Variants in SPTA1 observed in about 807,000 individuals in gnomAD.
SPTA1 encodes the protein spectrin alpha, erythrocytic 1, also known as spectrin alpha chain, erythrocytic 1.
SPTA1 carries 177 observed loss-of-function variants against 324.7 expected under a neutral mutation model. The observed-to-expected ratio is 0.55, with a 90% confidence interval of 0.48 to 0.62. SPTA1 has a LOEUF of 0.62. Ranked by LOEUF, SPTA1 falls within the 20% of genes least tolerant of loss-of-function variation. SPTA1 has a pLI of 0.00. For missense variants in SPTA1, 3,162 were observed against 2,883.6 expected, an observed-to-expected ratio of 1.10 and a Z score of -2.21; for synonymous variants, 1,195 against 1,041.3, an observed-to-expected ratio of 1.15 and a Z score of -2.84.
intron 42 of SPTA1, among the ~76,000 whole-genome samples, 172 bp from the exon 43 acceptor site, chr1:158,623,364 C>A (rs536192886): frequency 6.6e-6 from 1 of 152,226 alleles, no homozygotes; most frequent in African/African-American, 2.4e-5. Context: ...CTGAAAGCTC[C>A]AGTTTATGTA....
rs1653877399 is a variant in SPTA1 at position 158,669,727 on chromosome 1, G to A, written c.1659C>T (p.Ile553=). Reference sequence around the variant, plus strand: ...GACATACCCCGTCACGGATAGCCTTGATGTTCTCTGAATCATAATGGTCAT... The same window carrying A: ...GACATACCCCGTCACGGATAGCCTTAATGTTCTCTGAATCATAATGGTCAT... ...IGDDHYDSEN[I]KAIRDGLLAR... The change falls in exon 13 of 52, where the codon ATC becomes ATT. Residue 553 remains isoleucine (I), a synonymous_variant. Coordinates refer to ENST00000643759, the MANE Select transcript of SPTA1 (RefSeq NM_003126.4). 2 of 1,614,096 alleles carry A rather than the reference G, an allele frequency of 1.2e-6. No homozygotes were observed. Among genetic ancestry groups the A allele is most frequent in the Non-Finnish European group, 1.7e-6 (2 of 1,179,986 alleles).
chr1:158,613,837 C>T lies in SPTA1; in HGVS notation c.6873G>A (p.Leu2291=), dbSNP rs1175416971. The change falls in exon 50 of 52, where the codon CTG becomes CTA. Residue 2291 remains leucine, a synonymous_variant. Transcript: ENST00000643759. ...GGCAGGACCGGAACTCTTTGTGAGT[C>T]AGGCGCCCTGTCAAATTCTCATCAA... ...KHFDENLTGR[L]THKEFRSCLR... 5 of 1,613,832 alleles carry T rather than the reference C, an allele frequency of 3.1e-6. No individual in the cohort carries two copies. In the South Asian group the frequency reaches 5.5e-5, roughly 18 times the overall value.
chr1:158,676,108 T>G, intron 8 of SPTA1, 33 bp downstream of exon 8: 1 of 1,612,682 alleles, frequency 6.2e-7, no homozygotes, highest in East Asian at 2.2e-5. Flanking sequence ...CCTGTAGAGA[T>G]AGGTAGAGCA....
At chr1:158,655,016 A>T (rs529173104) in intron 20 of SPTA1, among the ~76,000 whole-genome samples, 5 of 152,210 alleles carry the variant, frequency 3.3e-5, no homozygotes, top group African/African-American at 1.2e-4. Context: ...GCTCTAAGCC[A>T]TCAGTTCTTA....
rs116297260 is a variant in SPTA1 at position 158,653,313 on chromosome 1, G to A, written c.3149C>T (p.Pro1050Leu). 1.2e-3 allele frequency: 1,904 copies of A among 1,614,086 alleles called. 17 individuals carry two copies. In the African/African-American group the frequency reaches 0.022, roughly 19 times the overall value. ...PMLPQRRREE[P>L]GNITQRQEQI... ...CTCCTGGCGCTGGGTGATGTTTCCTGGCTCTTCTCGTCGCCGCTGTGGGAG... is the reference window on the plus strand; with the variant it reads ...CTCCTGGCGCTGGGTGATGTTTCCTAGCTCTTCTCGTCGCCGCTGTGGGAG... The change falls in exon 22 of 52, where the codon CCA (proline) becomes CTA (leucine). Residue 1050 changes from proline to leucine, a missense_variant. Coordinates refer to ENST00000643759, the MANE Select transcript of SPTA1 (RefSeq NM_003126.4).
At chr1:158,645,708 C>T in intron 27 of SPTA1, 114 bp from the exon 28 acceptor site, 1 of 1,133,526 alleles carries the variant, frequency 8.8e-7, no homozygotes. Flanking sequence ...CATTTTTTAT[C>T]TGGCTTTATA....
At chr1:158,649,186 G>A (rs1489802605) in intron 25 of SPTA1, among the ~76,000 whole-genome samples, 1 of 152,186 alleles carries the variant, frequency 6.6e-6, no homozygotes, top group Non-Finnish European at 1.5e-5. Flanking sequence ...TGAATGAGCT[G>A]ATAGTCAATG....
intron 37 of SPTA1, 117 bp from the exon 38 acceptor site, chr1:158,636,151 G>T: frequency 6.4e-7 from 1 of 1,569,562 alleles, no homozygotes; most frequent in Non-Finnish European, 8.7e-7. Context: ...AAACTCCACG[G>T]GACTTTGTGA....
intron 45 of SPTA1, among the ~76,000 whole-genome samples, chr1:158,618,280 A>G (rs900492878): frequency 1.3e-5 from 2 of 152,138 alleles, no homozygotes; most frequent in African/African-American, 4.8e-5. Context: ...AGGAGCACCA[A>G]TGTCAAGGAA....
Position 158,672,061 on chromosome 1 carries a change from CTT to C in SPTA1, c.1484_1485del (p.Gln495ArgfsTer24). 1 of 1,613,880 alleles carries C rather than the reference CTT, an allele frequency of 6.2e-7. No individual in the cohort carries two copies. Among genetic ancestry groups the C allele is most frequent in the Non-Finnish European group, 8.5e-7 (1 of 1,179,906 alleles). On this transcript the variant is annotated frameshift_variant, in exon 11 of 52. Coordinates refer to ENST00000643759, the MANE Select transcript of SPTA1 (RefSeq NM_003126.4). LOFTEE classifies it high-confidence loss of function. The part of the protein sequence containing the change: ...SEQVDSWMSR[Q>X]EAFLENEDLG... ...ATGGTATGGACCCCTCCCGTTACCT[CTT>C]GTCTACTCATCCAACTGTCCACTTG...
intron 44 of SPTA1, among the ~76,000 whole-genome samples, chr1:158,619,593 G>A (rs1419384602): frequency 1.3e-5 from 2 of 152,064 alleles, no homozygotes; most frequent in Non-Finnish European, 2.9e-5. Flanking sequence ...AGTAATAAAA[G>A]CAAACCTCTC....
At position 158,636,701 on chromosome 1, in the gene SPTA1, G is replaced by T; in HGVS notation, c.5250C>A (p.Asn1750Lys). Reference sequence around the variant, plus strand: ...CTAGGCGTTTGTGCTTCTTCAGCAAGTTCTGAACCCCCTGAAGATCTCTCC... The same window carrying T: ...CTAGGCGTTTGTGCTTCTTCAGCAATTTCTGAACCCCCTGAAGATCTCTCC... Reference protein sequence around the residue: ...DYGRDLQGVQNLLKKHKRLEG... With the variant: ...DYGRDLQGVQKLLKKHKRLEG... Residue 1750 changes from asparagine to lysine, a missense_variant, in exon 37 of 52, where the codon AAC becomes AAA. Transcript: ENST00000643759. 1 of 1,614,140 alleles carries T rather than the reference G, an allele frequency of 6.2e-7. No individual in the cohort carries two copies.
rs746078222 is a variant in SPTA1, at chr1:158,681,631, G to C, written c.427C>G (p.Leu143Val). The C allele has an allele frequency of 6.2e-7, 1 of 1,613,766 alleles. No homozygotes were observed. The change falls in exon 4 of 52, where the codon CTG (leucine) becomes GTG (valine). Residue 143 changes from leucine to valine, a missense_variant. Physicochemically the swap from Leu to Val is conservative, Grantham distance 32 (BLOSUM62 1). Transcript: ENST00000643759. ...IEELRHLWDL[L>V]LELTLEKGDQ... Reference sequence around the variant, plus strand: ...CCCTTCTCCAGGGTCAGCTCTAACAGCAGGTCCCACAGGTGGCGTAGCTCC... The same window carrying C: ...CCCTTCTCCAGGGTCAGCTCTAACACCAGGTCCCACAGGTGGCGTAGCTCC...
At chr1:158,685,969 A>C (rs405879) in intron 1 of SPTA1, among the ~76,000 whole-genome samples, 148,298 of 152,282 alleles carry the variant, frequency 0.97, 72,317 homozygotes, top group East Asian at 1. Context: ...AAATATAAAA[A>C]CTTTTACTCT....
At chr1:158,681,415 G>C (rs1321380345) in intron 4 of SPTA1, 112 bp downstream of exon 4, 1 of 1,555,824 alleles carries the variant, frequency 6.4e-7, no homozygotes, top group Non-Finnish European at 8.9e-7. Flanking sequence ...AAAGAACAAA[G>C]CCAGGAACAG....
intron 10 of SPTA1, among the ~76,000 whole-genome samples, 180 bp downstream of exon 10, chr1:158,674,149 C>T (rs1040826664): frequency 1.3e-5 from 2 of 151,900 alleles, no homozygotes; most frequent in African/African-American, 4.8e-5. Flanking sequence ...AACCAATGCC[C>T]CATGGATAAT....
At position 158,649,957 on chromosome 1, in the gene SPTA1, GC is replaced by G; in HGVS notation, c.3478-11del. Reference sequence around the variant, plus strand: ...AGCGGGAATTCAATTCCTAAAAGAGGCAAAAACATCAGACTTGAGACAGAGA... The same window carrying G: ...AGCGGGAATTCAATTCCTAAAAGAGGAAAAACATCAGACTTGAGACAGAGA... On this transcript the variant is annotated splice_polypyrimidine_tract_variant and intron_variant, in intron 24 of 51. Transcript: ENST00000643759. The G allele has an allele frequency of 6.3e-7, 1 of 1,599,236 alleles. No individual in the cohort carries two copies. Among genetic ancestry groups the G allele is most frequent in the Non-Finnish European group, 8.6e-7 (1 of 1,167,660 alleles).
At chr1:158,617,939 A>T in intron 46 of SPTA1, 100 bp downstream of exon 46, 1 of 1,155,720 alleles carries the variant, frequency 8.7e-7, no homozygotes, top group Admixed American at 1.7e-5. Flanking sequence ...ATACTACCAG[A>T]TTACAATGGA....
chr1:158,685,756 A>C (rs1009522236), intron 1 of SPTA1, among the ~76,000 whole-genome samples: 1 of 152,178 alleles, frequency 6.6e-6, no homozygotes, highest in Non-Finnish European at 1.5e-5. Flanking sequence ...AATTTAATAA[A>C]TAATTAAGAA....
Sources: allele counts gnomAD v4.1 joint callset (sites outside exome capture counted in the v4.1 genomes callset), GRCh38; gene constraint gnomAD v4.1.1; transcripts MANE v1.5; gene names NCBI Gene and HGNC (gene_info 2026-07-23, HGNC 2026-07-21).